Variants in TTC7B observed in about 807,000 individuals in gnomAD.
The protein encoded by TTC7B is tetratricopeptide repeat domain 7B.
Under a neutral mutation model 106.8 loss-of-function variants are expected in TTC7B, and 28 were observed. The ratio of observed to expected loss-of-function variants is 0.26; its 90% CI spans 0.19 to 0.36. The LOEUF (loss-of-function observed/expected upper bound fraction) is 0.36, where lower values mean the gene tolerates loss of function less well. TTC7B is among the 10% of genes least tolerant of loss of function. The probability of loss-of-function intolerance (pLI) is 1.00; values close to 1 mark genes in which losing one functional copy is unlikely to be tolerated. For synonymous variants in TTC7B, 405 were observed against 430.6 expected, an observed-to-expected ratio of 0.94 and a Z score of 0.74; for missense variants, 862 against 1,076.4, an observed-to-expected ratio of 0.80 and a Z score of 2.79.
chr14:90,596,303 T>G (rs894177024), intron 17 of TTC7B, among the ~76,000 whole-genome samples: 2 of 152,212 alleles, frequency 1.3e-5, no homozygotes, highest in African/African-American at 4.8e-5. Context: ...ACTGTTTTGT[T>G]TGGTCCACAA....
intron 8 of TTC7B, 134 bp from the exon 9 acceptor site, chr14:90,676,794 G>T: frequency 1.2e-6 from 1 of 850,548 alleles, no homozygotes; most frequent in Non-Finnish European, 1.8e-6. Flanking sequence ...GCAGAGGCCT[G>T]TCATCTTGGG....
chr14:90,762,831 C>G (rs1478029754), intron 3 of TTC7B, among the ~76,000 whole-genome samples: 1 of 152,138 alleles, frequency 6.6e-6, no homozygotes, highest in Admixed American at 6.5e-5. Context: ...ACATACCATA[C>G]AAAAGAACAG....
chr14:90,696,893 G>A (rs1031811666), intron 5 of TTC7B, among the ~76,000 whole-genome samples: 2 of 152,188 alleles, frequency 1.3e-5, no homozygotes, highest in Non-Finnish European at 2.9e-5. Flanking sequence ...AATCTACTCT[G>A]CTTTCTCCTT....
intron 19 of TTC7B, among the ~76,000 whole-genome samples, chr14:90,567,294 C>T (rs1890839551): frequency 6.6e-6 from 1 of 152,256 alleles, no homozygotes; most frequent in East Asian, 1.9e-4. Context: ...GCTGGCAACT[C>T]AGGCACGTCC....
intron 1 of TTC7B, among the ~76,000 whole-genome samples, chr14:90,801,150 G>A (rs142974327): frequency 1.7e-4 from 25 of 150,958 alleles, no homozygotes; most frequent in African/African-American, 4.1e-4. Flanking sequence ...GCTTGAGCCC[G>A]GGAGGTCGAG....
At chr14:90,715,808 C>T (rs759187042) in intron 5 of TTC7B, among the ~76,000 whole-genome samples, 3 of 152,176 alleles carry the variant, frequency 2.0e-5, no homozygotes, top group Admixed American at 6.5e-5. Flanking sequence ...AGACCCCTGT[C>T]AGATGGTATG....
chr14:90,623,046 T>C (rs1884280228), intron 15 of TTC7B, among the ~76,000 whole-genome samples: 1 of 152,174 alleles, frequency 6.6e-6, no homozygotes, highest in South Asian at 2.1e-4. Context: ...TTTCCATCCA[T>C]TTCTGCCTTT....
Position 90,751,054 on chromosome 14 carries a change from C to T in TTC7B, c.446-6132G>A, listed in dbSNP as rs1045063538. 4.6e-5 allele frequency among the ~76,000 whole-genome samples: 7 copies of T among 152,340 alleles called. No individual in the cohort carries two copies. In the South Asian group the frequency reaches 1.4e-3, roughly 32 times the overall value. ...TACTGTCAATTTGGGAAGCTATCAT[C>T]AATAATGTTTTTACTTATTTTCTTT... is the stretch of plus-strand genomic sequence containing the variant. On this transcript the variant is annotated intron_variant, in intron 3 of 19. Transcript: ENST00000328459.
intron 7 of TTC7B, among the ~76,000 whole-genome samples, chr14:90,684,981 C>T (rs1043798251): frequency 6.6e-6 from 1 of 152,206 alleles, no homozygotes; most frequent in African/African-American, 2.4e-5. Context: ...GGTGATCCCT[C>T]TTCTCATTCC....
chr14:90,727,045 T>C (rs1389182578), intron 5 of TTC7B, among the ~76,000 whole-genome samples: 1 of 148,472 alleles, frequency 6.7e-6, no homozygotes, highest in Non-Finnish European at 1.5e-5. Flanking sequence ...AAGGAAAAGA[T>C]GTGAAGGAGA....
At position 90,643,875 on chromosome 14, in the gene TTC7B, G is replaced by A. The variant is rs148747418; in HGVS notation, c.1751+173C>T. Reference sequence around the variant, plus strand: ...TGGGATTATAGATGTGAGCCACGGCGCCCAGCCCTAAGTTTGTTTTTAATA... The same window carrying A: ...TGGGATTATAGATGTGAGCCACGGCACCCAGCCCTAAGTTTGTTTTTAATA... On this transcript the variant is annotated intron_variant, in intron 15 of 19. Transcript: ENST00000328459. Among the ~76,000 whole-genome samples, 376 of 152,252 alleles carry A rather than the reference G, an allele frequency of 2.5e-3. 6 individuals carry two copies. In the East Asian group the frequency reaches 0.041, roughly 17 times the overall value.
intron 15 of TTC7B, among the ~76,000 whole-genome samples, chr14:90,623,598 A>G (rs1184955242): frequency 1.3e-5 from 2 of 152,244 alleles, no homozygotes; most frequent in Non-Finnish European, 2.9e-5. Context: ...CTTGACCACT[A>G]CTATTGGGCA....
intron 1 of TTC7B, among the ~76,000 whole-genome samples, chr14:90,811,738 G>A (rs1196852565): frequency 2.0e-5 from 3 of 152,158 alleles, no homozygotes; most frequent in African/African-American, 7.2e-5. Context: ...AATCTTATAG[G>A]ATCCGACAGG....
At chr14:90,758,729 C>T (rs11848870) in intron 3 of TTC7B, among the ~76,000 whole-genome samples, 6,045 of 152,214 alleles carry the variant, frequency 0.04, 311 homozygotes, top group African/African-American at 0.12. Flanking sequence ...CCCAGCACAC[C>T]AGGATCGACG....
At chr14:90,637,273 G>T (rs1476417842) in intron 15 of TTC7B, among the ~76,000 whole-genome samples, 3 of 150,730 alleles carry the variant, frequency 2.0e-5, no homozygotes, top group Non-Finnish European at 3.0e-5. Context: ...TAGATGAAAT[G>T]GACAAATCCT....
chr14:90,677,559 C>T (rs1268132178), intron 8 of TTC7B, among the ~76,000 whole-genome samples: 2 of 152,200 alleles, frequency 1.3e-5, no homozygotes, highest in South Asian at 2.1e-4. Context: ...AGTTAGATTT[C>T]GCCTGCCTTT....
chr14:90,593,439 G>T (rs1197620600), intron 18 of TTC7B, 47 bp downstream of exon 18: 1 of 1,525,392 alleles, frequency 6.6e-7, no homozygotes, highest in Admixed American at 1.9e-5. Context: ...GTGGGGCGGA[G>T]CCCAGGCTCT....
chr14:90,559,596 C>A (rs1457438455), intron 19 of TTC7B, among the ~76,000 whole-genome samples: 1 of 152,192 alleles, frequency 6.6e-6, no homozygotes, highest in Non-Finnish European at 1.5e-5. Flanking sequence ...AAAGCCCACC[C>A]TACATGGACT....
rs568605121 is a variant in TTC7B at position 90,551,606 on chromosome 14, C to T, written c.2311-10017G>A. ...TGATCAGAGGGAAGCAGGGTGGCAG[C>T]GGTAGTGTTTTCAAAAATATTTTTC... On this transcript the variant is annotated intron_variant, in intron 19 of 19. Coordinates refer to ENST00000328459, the MANE Select transcript of TTC7B (RefSeq NM_001010854.2). Among the ~76,000 whole-genome samples the T allele has an allele frequency of 3.9e-5, 6 of 152,248 alleles. No homozygotes were observed. The South Asian group carries it at 8.3e-4, about 21-fold the overall frequency.
Sources: allele counts gnomAD v4.1 joint callset (sites outside exome capture counted in the v4.1 genomes callset), GRCh38; gene constraint gnomAD v4.1.1; transcripts MANE v1.5; gene names NCBI Gene and HGNC (gene_info 2026-07-23, HGNC 2026-07-21).